ZRANB3: variants seen among roughly 807,000 people sequenced by gnomAD.
ZRANB3 encodes DNA annealing helicase and endonuclease ZRANB3.
In ZRANB3, 125 loss-of-function variants were observed where a neutral mutation model predicts 133.8. The ratio of observed to expected loss-of-function variants is 0.93; its 90% CI spans 0.81 to 1.08. The LOEUF is 1.08. Among genes scored for constraint, ZRANB3 ranks in the 50% least tolerant of loss-of-function variants. The pLI is 0.00. For synonymous variants in ZRANB3, 387 were observed against 432.7 expected, an observed-to-expected ratio of 0.89 and a Z score of 1.31; for missense variants, 1,229 against 1,275.5, an observed-to-expected ratio of 0.96 and a Z score of 0.56.
rs1275903842 is a variant in ZRANB3, at chr2:135,275,712, T to C, written c.1010A>G (p.Asp337Gly). 1 of 1,605,654 alleles carries C rather than the reference T, an allele frequency of 6.2e-7. No homozygotes were observed. The highest frequency in any genetic ancestry group is 8.5e-7 in the Non-Finnish European group (1 of 1,175,234). Residue 337 changes from aspartate to glycine, a missense_variant, in exon 9 of 21, where the codon GAT (aspartate) becomes GGT (glycine). Coordinates refer to ENST00000264159, the MANE Select transcript of ZRANB3 (RefSeq NM_032143.4). ...KDYIKMMLQN[D>G]SLKFLVFAHH... is the part of the protein sequence containing the mutation. The stretch of plus-strand genomic sequence containing the variant: ...AGCAAAAACCAGAAATTTAAGCGAA[T>C]CATTCTGAAGCATCATCTTAATATA...
At chr2:135,202,014 T>C (rs1477853106) in intron 20 of ZRANB3, among the ~76,000 whole-genome samples, 3 of 152,168 alleles carry the variant, frequency 2.0e-5, no homozygotes, top group African/African-American at 4.8e-5. Context: ...AGAAAACAGG[T>C]TTGTTTACAA....
chr2:135,497,518 C>A (rs1005433890), intron 2 of ZRANB3, among the ~76,000 whole-genome samples: 5 of 152,192 alleles, frequency 3.3e-5, no homozygotes, highest in African/African-American at 9.7e-5. Flanking sequence ...ATTAGTTGCA[C>A]TAGCCACACT....
intron 2 of ZRANB3, among the ~76,000 whole-genome samples, chr2:135,434,165 A>G (rs533267193): frequency 6.0e-4 from 91 of 152,282 alleles, no homozygotes; most frequent in African/African-American, 2.1e-3. Context: ...CTCCATCTCA[A>G]AAAAAAGAAA....
intron 12 of ZRANB3, among the ~76,000 whole-genome samples, chr2:135,249,185 G>A (rs1679242709): frequency 6.6e-6 from 1 of 152,170 alleles, no homozygotes; most frequent in African/African-American, 2.4e-5. Flanking sequence ...AAAGCAGTAT[G>A]GCAGTTCTTC....
intron 2 of ZRANB3, among the ~76,000 whole-genome samples, chr2:135,397,196 A>C (rs1158613434): frequency 4.6e-5 from 7 of 152,020 alleles, no homozygotes; most frequent in Admixed American, 4.6e-4. Context: ...TAACCCCAGC[A>C]CTTTGGTAAG....
intron 6 of ZRANB3, among the ~76,000 whole-genome samples, chr2:135,324,433 A>G (rs983772632): frequency 6.6e-6 from 1 of 152,202 alleles, no homozygotes; most frequent in African/African-American, 2.4e-5. Flanking sequence ...ATGGCTGCAC[A>G]GTATTCCATG....
intron 17 of ZRANB3, among the ~76,000 whole-genome samples, chr2:135,211,852 T>C (rs185011870): frequency 6.6e-6 from 1 of 152,350 alleles, no homozygotes; most frequent in Admixed American, 6.5e-5. Flanking sequence ...TGATGTTTTC[T>C]ACACATTATG....
chr2:135,248,157 T>G (rs1291789407), intron 12 of ZRANB3, among the ~76,000 whole-genome samples: 2 of 152,146 alleles, frequency 1.3e-5, no homozygotes, highest in Admixed American at 6.5e-5. Flanking sequence ...CCTCAGCTAC[T>G]TTAGTAGCCC....
In ZRANB3 at chr2:135,219,128, G is replaced by C; in HGVS notation, c.2301C>G (p.Asp767Glu). 1 of 1,539,558 alleles carries C rather than the reference G, an allele frequency of 6.5e-7. No homozygotes were observed. Among genetic ancestry groups the C allele is most frequent in the Non-Finnish European group, 8.7e-7 (1 of 1,147,762 alleles). ...CNFIPLDIKL[D>E]LWEDLPASFQ... ...AGCTTGCTGGTAAATCTTCCCAAAG[G>C]TCTAATTTTATATCCAGAGGAATGA... is the stretch of plus-strand genomic sequence containing the variant. Residue 767 changes from aspartate (D) to glutamate (E), a missense_variant, in exon 16 of 21, where the codon GAC becomes GAG. Asp to Glu is a conservative substitution (Grantham distance 45, BLOSUM62 2). Coordinates refer to ENST00000264159, the MANE Select transcript of ZRANB3 (RefSeq NM_032143.4).
intron 2 of ZRANB3, among the ~76,000 whole-genome samples, chr2:135,496,023 T>C (rs1036822065): frequency 1.3e-5 from 2 of 152,184 alleles, no homozygotes; most frequent in African/African-American, 2.4e-5. Flanking sequence ...TCTTGGAAAC[T>C]GCAAGCCAAG....
chr2:135,421,757 C>T (rs958806883), intron 2 of ZRANB3, among the ~76,000 whole-genome samples: 11 of 152,024 alleles, frequency 7.2e-5, no homozygotes, highest in Admixed American at 3.3e-4. Context: ...AGTACGGTGG[C>T]CTTTTAGCCC....
intron 12 of ZRANB3, among the ~76,000 whole-genome samples, chr2:135,251,416 G>A (rs1255380433): frequency 6.6e-6 from 1 of 152,186 alleles, no homozygotes; most frequent in African/African-American, 2.4e-5. Context: ...GTTTTGAAAT[G>A]TAAGGACATG....
intron 6 of ZRANB3, among the ~76,000 whole-genome samples, chr2:135,330,176 A>T (rs573172272): frequency 3.9e-5 from 6 of 152,266 alleles, no homozygotes; most frequent in Non-Finnish European, 8.8e-5. Flanking sequence ...ATTCAGTATG[A>T]TATTGGCTGT....
At chr2:135,430,435 A>T (rs1041755456) in intron 2 of ZRANB3, among the ~76,000 whole-genome samples, 5 of 144,922 alleles carry the variant, frequency 3.5e-5, no homozygotes, top group African/African-American at 7.5e-5. Flanking sequence ...TAAGAAGATT[A>T]AAAAAAAAAA....
At chr2:135,428,563 C>G (rs1689191456) in intron 2 of ZRANB3, among the ~76,000 whole-genome samples, 1 of 151,448 alleles carries the variant, frequency 6.6e-6, no homozygotes, top group South Asian at 2.1e-4. Context: ...ACTAAACAGA[C>G]AACTTACAGA....
At chr2:135,331,357 T>C (rs1684130121) in intron 6 of ZRANB3, among the ~76,000 whole-genome samples, 1 of 152,192 alleles carries the variant, frequency 6.6e-6, no homozygotes. Context: ...TCAGTTTCCA[T>C]GTAGTTGTGC....
At chr2:135,228,039 A>G in intron 13 of ZRANB3, 24 bp from the exon 14 acceptor site, 4 of 1,457,750 alleles carry the variant, frequency 2.7e-6, no homozygotes, top group Non-Finnish European at 3.7e-6. Flanking sequence ...AATTATTACA[A>G]AAATGTAATA....
intron 3 of ZRANB3, among the ~76,000 whole-genome samples, chr2:135,361,786 G>C (rs1685705924): frequency 6.6e-6 from 1 of 152,134 alleles, no homozygotes; most frequent in Admixed American, 6.5e-5. Flanking sequence ...ACTATGTTCT[G>C]TTACTTATTA....
At chr2:135,277,268 A>T (rs913939228) in intron 8 of ZRANB3, among the ~76,000 whole-genome samples, 2 of 152,310 alleles carry the variant, frequency 1.3e-5, no homozygotes, top group South Asian at 4.1e-4. Flanking sequence ...AAAACTAAAG[A>T]TACTGCTATC....
Sources: allele counts gnomAD v4.1 joint callset (sites outside exome capture counted in the v4.1 genomes callset), GRCh38; gene constraint gnomAD v4.1.1; transcripts MANE v1.5; gene names NCBI Gene and HGNC (gene_info 2026-07-23, HGNC 2026-07-21).